Variants in PCDHA7 observed in about 807,000 individuals in gnomAD.
PCDHA7 encodes protocadherin alpha 7, also known as protocadherin alpha-7.
PCDHA7 carries 37 observed loss-of-function variants against 57.2 expected under a neutral mutation model. That is an observed-to-expected ratio of 0.65 (90% CI 0.50 to 0.85). The LOEUF is 0.85. Ranked by LOEUF, PCDHA7 falls within the 40% of genes least tolerant of loss-of-function variation. The probability of loss-of-function intolerance (pLI) is 0.00; values close to 1 mark genes in which losing one functional copy is unlikely to be tolerated. For missense variants in PCDHA7, 1,188 were observed against 1,241.8 expected (o/e 0.96, Z 0.65); for synonymous variants, 553 against 558.8 (o/e 0.99, Z 0.15).
intron 3 of PCDHA7, among the ~76,000 whole-genome samples, chr5:140,987,196 AGAGT>A (rs2097234784): frequency 6.6e-6 from 1 of 151,568 alleles, no homozygotes; most frequent in Non-Finnish European, 1.5e-5. Flanking sequence ...CCTGGGTGAC[AGAGT>A]GAGACTCCAT....
intron 3 of PCDHA7, among the ~76,000 whole-genome samples, chr5:140,999,039 T>C (rs1554256567): frequency 6.6e-6 from 1 of 152,214 alleles, no homozygotes; most frequent in Admixed American, 6.5e-5. Flanking sequence ...CTTCGTCCAG[T>C]GTGCTTTCCA....
intron 1 of PCDHA7, chr5:140,967,306 C>A (rs1554229415): frequency 1.2e-6 from 2 of 1,612,350 alleles, no homozygotes; most frequent in Non-Finnish European, 1.7e-6. Context: ...TGGGCGCCAA[C>A]TCAGTACAGA....
At chr5:140,843,440 G>A in intron 1 of PCDHA7, 2 of 1,596,090 alleles carry the variant, frequency 1.3e-6, no homozygotes, top group African/African-American at 2.7e-5. Flanking sequence ...CATCTGCGCG[G>A]TATCCAGCCT....
intron 1 of PCDHA7, chr5:140,843,672 A>G: frequency 6.3e-7 from 1 of 1,592,800 alleles, no homozygotes; most frequent in Non-Finnish European, 8.6e-7. Context: ...GGATCAGTTG[A>G]TGTAGGCGAA....
chr5:140,927,811 G>A, intron 1 of PCDHA7: 1 of 1,614,186 alleles, frequency 6.2e-7, no homozygotes, highest in Non-Finnish European at 8.5e-7. Context: ...AACGCTCTTG[G>A]AGGCATACAT....
chr5:140,921,212 C>T lies in PCDHA7; in HGVS notation c.2356-57737C>T, dbSNP rs78827164. On this transcript the variant is annotated intron_variant, in intron 1 of 3. Coordinates refer to ENST00000525929, the MANE Select transcript of PCDHA7 (RefSeq NM_018910.3). ...ACAATAGATTGACAACGATAATTCA[C>T]GTCTTTTTTGCTAGATGATATTAAG... is the stretch of plus-strand genomic sequence containing the variant. Among the ~76,000 whole-genome samples the T allele has an allele frequency of 3.7e-3, 555 of 152,020 alleles. 3 individuals carry two copies. Among genetic ancestry groups the T allele is most frequent in the Non-Finnish European group, 5.8e-3 (395 of 67,980 alleles).
At chr5:140,841,754 T>A in intron 1 of PCDHA7, 1 of 1,613,818 alleles carries the variant, frequency 6.2e-7, no homozygotes, top group Non-Finnish European at 8.5e-7. Context: ...TGTTTCAGAA[T>A]CCAGAATGCC....
At chr5:140,897,395 G>A (rs1583270355) in intron 1 of PCDHA7, among the ~76,000 whole-genome samples, 1 of 135,586 alleles carries the variant, frequency 7.4e-6, no homozygotes, top group Middle Eastern at 5.0e-3. Flanking sequence ...GTGTCCATGT[G>A]TTCTCATTGT....
At chr5:140,934,100 T>C (rs554832439) in intron 1 of PCDHA7, among the ~76,000 whole-genome samples, 3 of 152,280 alleles carry the variant, frequency 2.0e-5, no homozygotes, top group Non-Finnish European at 4.4e-5. Context: ...GTTTGCTTTC[T>C]ATTTTATTAA....
chr5:140,951,149 T>C (rs911841540), intron 1 of PCDHA7, among the ~76,000 whole-genome samples: 8 of 100,620 alleles, frequency 8.0e-5, no homozygotes, highest in African/African-American at 3.8e-4. Context: ...TCTTATTGAA[T>C]ATAGTTATAG....
At chr5:140,869,044 C>T (rs2050811433) in intron 1 of PCDHA7, 1 of 1,530,006 alleles carries the variant, frequency 6.5e-7, no homozygotes, top group Non-Finnish European at 8.8e-7. Flanking sequence ...TAACCTGAAA[C>T]TGAAGAATCT....
At chr5:140,852,945 C>G in intron 1 of PCDHA7, 1 of 522,890 alleles carries the variant, frequency 1.9e-6, no homozygotes, top group Non-Finnish European at 2.5e-6. Context: ...GTGGTGCCAT[C>G]TTGGCTCACT....
chr5:140,883,179 C>A, intron 1 of PCDHA7: 4 of 1,613,776 alleles, frequency 2.5e-6, no homozygotes, highest in Non-Finnish European at 1.7e-6. Flanking sequence ...GAAATTAGGA[C>A]AAAAGGCAAA....
At chr5:140,839,227 T>C (rs1776100105) in intron 1 of PCDHA7, among the ~76,000 whole-genome samples, 1 of 152,010 alleles carries the variant, frequency 6.6e-6, no homozygotes, top group African/African-American at 2.4e-5. Context: ...AACTGTAATC[T>C]GTTTTTATTG....
chr5:140,979,355 T>C (rs1437499560), intron 2 of PCDHA7, among the ~76,000 whole-genome samples: 6 of 152,206 alleles, frequency 3.9e-5, no homozygotes, highest in African/African-American at 1.4e-4. Flanking sequence ...TTAATACTCA[T>C]GCTTTGAGAC....
rs2150419766 is a variant in PCDHA7, at chr5:140,848,766, G to C, written c.2355+12028G>C. On this transcript the variant is annotated intron_variant, in intron 1 of 3. Coordinates refer to ENST00000525929, the MANE Select transcript of PCDHA7 (RefSeq NM_018910.3). The stretch of plus-strand genomic sequence containing the variant: ...CATTTTGTTTGTGAATTCTCGGATC[G>C]ACCGCGAGGAGCTGTGCGGGCGGAG... The C allele has an allele frequency of 6.3e-7, 1 of 1,593,418 alleles. No individual in the cohort carries two copies. The highest frequency in any genetic ancestry group is 8.6e-7 in the Non-Finnish European group (1 of 1,164,090).
Position 140,834,347 on chromosome 5 carries a change from AG to A in PCDHA7, c.-36del, listed in dbSNP as rs2150215572. The A allele has an allele frequency of 1.3e-6, 2 of 1,523,758 alleles. No individual in the cohort carries two copies. Among genetic ancestry groups the A allele is most frequent in the South Asian group, 2.6e-5 (2 of 77,538 alleles). The allele number at this position is 1,523,758 out of a possible 1,614,324, so 94.4% of individuals were successfully genotyped here. A position where few individuals can be genotyped will look rare whatever the true frequency, so the allele number is the denominator to read the frequency against. On this transcript the variant is annotated 5_prime_UTR_variant, in exon 1 of 4. Coordinates refer to ENST00000525929, the MANE Select transcript of PCDHA7 (RefSeq NM_018910.3). ...AAACATTCCTATAAATTCGAAGGCA[AG>A]TTTTGCTGACTAGAAAAACAAGCCA...
intron 1 of PCDHA7, among the ~76,000 whole-genome samples, chr5:140,893,124 CA>C (rs2063834148): frequency 2.0e-5 from 3 of 152,298 alleles, no homozygotes; most frequent in Admixed American, 1.3e-4. Flanking sequence ...ATATACACCA[CA>C]TTTTCTTTAT....
chr5:140,940,610 G>A (rs1394761541), intron 1 of PCDHA7, among the ~76,000 whole-genome samples: 1 of 151,836 alleles, frequency 6.6e-6, no homozygotes, highest in Non-Finnish European at 1.5e-5. Context: ...GCTGCTCCTG[G>A]CTCCTGCAAA....
Sources: gnomAD v4.1 joint callset for allele counts (sites outside exome capture counted in the v4.1 genomes callset) on GRCh38, gnomAD v4.1.1 for gene constraint, MANE v1.5 for transcripts, NCBI Gene and HGNC (gene_info 2026-07-23, HGNC 2026-07-21) for gene names.